CNTNAP2: variants seen among roughly 807,000 people sequenced by gnomAD.
CNTNAP2 encodes contactin-associated protein-like 2.
Under a neutral mutation model 155.2 loss-of-function variants are expected in CNTNAP2, and 98 were observed. The observed-to-expected ratio is 0.63, with a 90% CI of 0.54 to 0.75. CNTNAP2 has a LOEUF of 0.75. CNTNAP2 is among the 30% of genes least tolerant of loss of function. The pLI, the probability that CNTNAP2 is intolerant of heterozygous loss-of-function variation, is 0.00. For synonymous variants in CNTNAP2, 651 were observed against 631.2 expected, an observed-to-expected ratio of 1.03 and a Z score of -0.47; for missense variants, 1,727 against 1,688.1, an observed-to-expected ratio of 1.02 and a Z score of -0.40.
intron 21 of CNTNAP2, among the ~76,000 whole-genome samples, chr7:148,281,406 G>A (rs994013166): frequency 1.3e-5 from 2 of 152,194 alleles, no homozygotes; most frequent in Non-Finnish European, 2.9e-5. Flanking sequence ...GAAATTTCTG[G>A]TCAGTTGCCT....
chr7:146,424,184 G>A (rs959343131), intron 1 of CNTNAP2, among the ~76,000 whole-genome samples: 2 of 152,034 alleles, frequency 1.3e-5, no homozygotes, highest in African/African-American at 2.4e-5. Flanking sequence ...CATCTGCCTC[G>A]AATTCTCAAT....
intron 11 of CNTNAP2, among the ~76,000 whole-genome samples, chr7:147,525,921 A>G (rs971418712): frequency 4.6e-5 from 7 of 152,142 alleles, no homozygotes; most frequent in African/African-American, 1.7e-4. Context: ...GGCTGGGTGC[A>G]GTGGCTCACA....
At chr7:146,752,334 G>A (rs942750574) in intron 1 of CNTNAP2, among the ~76,000 whole-genome samples, 1 of 152,116 alleles carries the variant, frequency 6.6e-6, no homozygotes, top group African/African-American at 2.4e-5. Flanking sequence ...GGCATGAGGT[G>A]GCATCTCATT....
intron 17 of CNTNAP2, among the ~76,000 whole-genome samples, chr7:148,152,882 G>A (rs1490719050): frequency 6.6e-6 from 1 of 151,964 alleles, no homozygotes; most frequent in Non-Finnish European, 1.5e-5. Flanking sequence ...TTAGCCAGGT[G>A]TAGTGGCAGG....
intron 12 of CNTNAP2, among the ~76,000 whole-genome samples, chr7:147,566,335 G>A (rs1800169911): frequency 7.9e-6 from 1 of 127,106 alleles, no homozygotes; most frequent in Admixed American, 8.1e-5. Context: ...GGGGTAGAGG[G>A]AGGGGGAGGG....
At chr7:147,923,991 C>T (rs531501447) in intron 14 of CNTNAP2, among the ~76,000 whole-genome samples, 2 of 152,316 alleles carry the variant, frequency 1.3e-5, no homozygotes, top group South Asian at 4.1e-4. Context: ...AGCAATGCTG[C>T]CAGAGATGGC....
At chr7:147,486,211 A>C (rs1798509052) in intron 11 of CNTNAP2, among the ~76,000 whole-genome samples, 170 bp downstream of exon 11, 1 of 152,070 alleles carries the variant, frequency 6.6e-6, no homozygotes, top group African/African-American at 2.4e-5. Flanking sequence ...AAAATACACT[A>C]TTCTACTTGT....
At chr7:146,484,356 C>T (rs1797024042) in intron 1 of CNTNAP2, among the ~76,000 whole-genome samples, 1 of 152,058 alleles carries the variant, frequency 6.6e-6, no homozygotes, top group African/African-American at 2.4e-5. Context: ...ATTGTTATTG[C>T]CAGTTAGAAA....
At chr7:148,092,131 A>G (rs1279715095) in intron 15 of CNTNAP2, among the ~76,000 whole-genome samples, 2 of 152,222 alleles carry the variant, frequency 1.3e-5, no homozygotes, top group African/African-American at 4.8e-5. Context: ...AAGCTTGCAT[A>G]AGTCTCTGGC....
chr7:148,294,834 T>C (rs1246089180), intron 21 of CNTNAP2, among the ~76,000 whole-genome samples: 1 of 152,160 alleles, frequency 6.6e-6, no homozygotes, highest in Non-Finnish European at 1.5e-5. Context: ...ATATATATTA[T>C]ATCATCCAAA....
At chr7:148,351,567 A>AC (rs1798425915) in intron 21 of CNTNAP2, among the ~76,000 whole-genome samples, 1 of 151,536 alleles carries the variant, frequency 6.6e-6, no homozygotes, top group Non-Finnish European at 1.5e-5. Context: ...ACATGGTGAA[A>AC]CCCCATCTCT....
chr7:147,648,783 G>A (rs528372777), intron 13 of CNTNAP2, among the ~76,000 whole-genome samples: 1 of 152,248 alleles, frequency 6.6e-6, no homozygotes, highest in South Asian at 2.1e-4. Flanking sequence ...GATGAGATTT[G>A]GGTGTGGACA....
chr7:148,125,399 C>T (rs1804696042), intron 16 of CNTNAP2, among the ~76,000 whole-genome samples: 1 of 152,022 alleles, frequency 6.6e-6, no homozygotes, highest in South Asian at 2.1e-4. Flanking sequence ...TTTTTCCATC[C>T]TCTCCCTCCT....
At chr7:147,415,492 C>T (rs1328284472) in intron 10 of CNTNAP2, among the ~76,000 whole-genome samples, 1 of 152,140 alleles carries the variant, frequency 6.6e-6, no homozygotes, top group Non-Finnish European at 1.5e-5. Flanking sequence ...AGCGGCTCTT[C>T]TTCTTTCACT....
At chr7:146,482,288 G>GT (rs971530091) in intron 1 of CNTNAP2, among the ~76,000 whole-genome samples, 2 of 150,988 alleles carry the variant, frequency 1.3e-5, no homozygotes, top group African/African-American at 2.4e-5. Flanking sequence ...ATAGTAAAGT[G>GT]TTTGTGAAGA....
At chr7:147,798,038 G>A (rs558307526) in intron 13 of CNTNAP2, among the ~76,000 whole-genome samples, 14 of 152,166 alleles carry the variant, frequency 9.2e-5, no homozygotes, top group East Asian at 3.9e-4. Context: ...CACTTAGACC[G>A]AAGAAAATTA....
At chr7:147,316,672 T>C (rs1795239573) in intron 9 of CNTNAP2, among the ~76,000 whole-genome samples, 1 of 152,174 alleles carries the variant, frequency 6.6e-6, no homozygotes, top group African/African-American at 2.4e-5. Context: ...ATATAAATAA[T>C]GGTAACGGAT....
intron 21 of CNTNAP2, among the ~76,000 whole-genome samples, chr7:148,376,709 A>T (rs559967588): frequency 1.5e-5 from 1 of 68,570 alleles, no homozygotes; most frequent in African/African-American, 3.6e-5. Flanking sequence ...AAATACAATG[A>T]AATTTCATTC....
intron 1 of CNTNAP2, among the ~76,000 whole-genome samples, chr7:146,408,989 G>C (rs1385406627): frequency 6.6e-6 from 1 of 152,074 alleles, no homozygotes; most frequent in Admixed American, 6.6e-5. Context: ...TAGACACAAT[G>C]ATGACTATAT....
Sources: allele counts gnomAD v4.1 joint callset (sites outside exome capture counted in the v4.1 genomes callset), GRCh38; gene constraint gnomAD v4.1.1; transcripts MANE v1.5; gene names NCBI Gene and HGNC (gene_info 2026-07-23, HGNC 2026-07-21).